Variants in RIMS1 observed in about 807,000 individuals in gnomAD.
The protein encoded by RIMS1 is regulating synaptic membrane exocytosis 1.
In RIMS1, 83 loss-of-function variants were observed where a neutral mutation model predicts 214.1. The observed-to-expected ratio is 0.39, with a 90% CI of 0.32 to 0.47. The LOEUF (loss-of-function observed/expected upper bound fraction) is 0.47, where lower values mean the gene tolerates loss of function less well. Ranked by LOEUF, RIMS1 falls within the 20% of genes least tolerant of loss-of-function variation. RIMS1 has a pLI of 0.99. For missense variants in RIMS1, 2,050 were observed against 2,161.8 expected (o/e 0.95, Z 1.03); for synonymous variants, 793 against 786.8 (o/e 1.01, Z -0.13).
chr6:72,171,352 G>A (rs998814907), intron 4 of RIMS1, among the ~76,000 whole-genome samples: 9 of 150,102 alleles, frequency 6.0e-5, no homozygotes, highest in Admixed American at 6.7e-5. Flanking sequence ...TATTACGTGT[G>A]TGTGTGTATA....
chr6:72,170,584 CCA>C (rs2046896690), intron 4 of RIMS1, among the ~76,000 whole-genome samples: 1 of 152,086 alleles, frequency 6.6e-6, no homozygotes, highest in African/African-American at 2.4e-5. Context: ...ACCTTGTGAT[CCA>C]CCCGCCTCAG....
Position 71,887,069 on chromosome 6 carries a change from C to G in RIMS1, c.46C>G (p.Pro16Ala). The change falls in exon 1 of 34, where the codon CCT becomes GCT. Residue 16 changes from proline (P) to alanine (A), a missense_variant. By Grantham distance (27) the Pro-to-Ala change is conservative. Around this residue, in one of 6 missense-constraint regions of RIMS1, gnomAD observed 882 missense variants for 828.9 expected, o/e 1.06. Coordinates refer to ENST00000521978, the MANE Select transcript of RIMS1 (RefSeq NM_014989.7). The stretch of plus-strand genomic sequence containing the variant: ...CCGCGGTCCTCGCCCACCCACGGTG[C>G]CTCCCCCCATGCAAGAGCTGCCCGA... The part of the protein sequence containing the change: ...GPRGPRPPTV[P>A]PPMQELPDLS... 6.2e-7 allele frequency: 1 copy of G among 1,613,544 alleles called. No homozygotes were observed. Among genetic ancestry groups the G allele is most frequent in the Non-Finnish European group, 8.5e-7 (1 of 1,179,712 alleles).
chr6:72,216,726 G>A (rs1158237010), intron 6 of RIMS1: 2 of 985,938 alleles, frequency 2.0e-6, no homozygotes, highest in Non-Finnish European at 2.4e-6. Flanking sequence ...GGAACAAGAT[G>A]AGCTCCTGAA....
intron 1 of RIMS1, among the ~76,000 whole-genome samples, chr6:71,911,958 G>A (rs1777053029): frequency 6.6e-6 from 1 of 152,086 alleles, no homozygotes; most frequent in South Asian, 2.1e-4. Context: ...GTGCTGAAAG[G>A]AGAAAATGCT....
chr6:72,129,083 T>A (rs1274978980), intron 4 of RIMS1, among the ~76,000 whole-genome samples: 2 of 152,198 alleles, frequency 1.3e-5, no homozygotes, highest in Non-Finnish European at 2.9e-5. Context: ...TTCAAAATTG[T>A]TTTTAATATT....
chr6:72,057,312 T>C (rs979610076), intron 2 of RIMS1, among the ~76,000 whole-genome samples: 1 of 152,108 alleles, frequency 6.6e-6, no homozygotes, highest in African/African-American at 2.4e-5. Flanking sequence ...TACAGGAGAA[T>C]GGATGCTACC....
chr6:72,399,310 C>G (rs117947655), intron 33 of RIMS1, among the ~76,000 whole-genome samples: 4,175 of 151,656 alleles, frequency 0.028, 85 homozygotes, highest in Non-Finnish European at 0.039. Flanking sequence ...TATTTTATCT[C>G]TCTCTCTTCT....
intron 2 of RIMS1, among the ~76,000 whole-genome samples, chr6:71,997,094 C>A (rs886075910): frequency 6.6e-6 from 1 of 152,098 alleles, no homozygotes; most frequent in Non-Finnish European, 1.5e-5. Context: ...AATGACTACT[C>A]TGCACAGAAT....
chr6:72,063,553 G>A (rs1433403089), intron 2 of RIMS1, among the ~76,000 whole-genome samples: 1 of 152,164 alleles, frequency 6.6e-6, no homozygotes. Flanking sequence ...CCACTAGTGG[G>A]AGACCGACCA....
rs1208333256 is a variant in RIMS1, at chr6:72,252,752, G to T, written c.2699-9G>T. 1 of 1,555,928 alleles carries T rather than the reference G, an allele frequency of 6.4e-7. No individual in the cohort carries two copies. The highest frequency in any genetic ancestry group is 8.7e-7 in the Non-Finnish European group (1 of 1,148,370). ...CACAGAAGTATCTCTTTGCCTTACTGTTGTGCAGGATCTCAGCGAATCAGT... is the reference window on the plus strand; with the variant it reads ...CACAGAAGTATCTCTTTGCCTTACTTTTGTGCAGGATCTCAGCGAATCAGT... On this transcript the variant is annotated splice_polypyrimidine_tract_variant and intron_variant, in intron 15 of 33. Coordinates refer to ENST00000521978, the MANE Select transcript of RIMS1 (RefSeq NM_014989.7).
chr6:71,921,366 G>A (rs745708130), intron 1 of RIMS1, among the ~76,000 whole-genome samples: 21 of 152,076 alleles, frequency 1.4e-4, no homozygotes, highest in Non-Finnish European at 2.4e-4. Flanking sequence ...TGATCCACCC[G>A]CCTTGGCCTC....
intron 29 of RIMS1, among the ~76,000 whole-genome samples, chr6:72,359,487 T>A (rs1009226621): frequency 6.6e-6 from 1 of 152,092 alleles, no homozygotes; most frequent in Non-Finnish European, 1.5e-5. Flanking sequence ...TTTTTTTTTT[T>A]CTTTAATCCA....
intron 1 of RIMS1, among the ~76,000 whole-genome samples, chr6:71,961,536 T>C (rs2151257126): frequency 6.6e-6 from 1 of 152,218 alleles, no homozygotes; most frequent in South Asian, 2.1e-4. Flanking sequence ...TTTGTAGCAA[T>C]TATCTTCATT....
intron 1 of RIMS1, among the ~76,000 whole-genome samples, chr6:71,962,234 A>G (rs953868777): frequency 6.6e-6 from 1 of 152,110 alleles, no homozygotes; most frequent in African/African-American, 2.4e-5. Context: ...GGATTTCCAA[A>G]ACTTAAAATC....
intron 2 of RIMS1, among the ~76,000 whole-genome samples, chr6:72,064,257 G>T (rs1282415945): frequency 1.3e-5 from 2 of 152,054 alleles, no homozygotes; most frequent in African/African-American, 4.8e-5. Flanking sequence ...GGCGGAGGTT[G>T]CAGTGAGCTG....
intron 2 of RIMS1, among the ~76,000 whole-genome samples, chr6:72,089,097 G>T (rs1835465098): frequency 6.6e-6 from 1 of 152,124 alleles, no homozygotes; most frequent in South Asian, 2.1e-4. Flanking sequence ...TAGCTGAAGT[G>T]GAAGACTGAC....
At chr6:72,256,693 T>TC (rs1204642433) in intron 16 of RIMS1, among the ~76,000 whole-genome samples, 1 of 151,588 alleles carries the variant, frequency 6.6e-6, no homozygotes, top group Non-Finnish European at 1.5e-5. Context: ...TCACCCTTTT[T>TC]TTTTTACAAT....
chr6:72,171,288 A>G (rs2046985459), intron 4 of RIMS1, among the ~76,000 whole-genome samples: 1 of 150,486 alleles, frequency 6.6e-6, no homozygotes, highest in Non-Finnish European at 1.5e-5. Context: ...ATTTATATAT[A>G]ATACATATAT....
intron 4 of RIMS1, among the ~76,000 whole-genome samples, chr6:72,153,982 C>T (rs1321742212): frequency 6.6e-6 from 1 of 152,026 alleles, no homozygotes; most frequent in Non-Finnish European, 1.5e-5. Context: ...CTATTGAGAA[C>T]ATAACTCTTA....
Sources: gnomAD v4.1 joint callset for allele counts (sites outside exome capture counted in the v4.1 genomes callset) on GRCh38, gnomAD v4.1.1 for gene constraint, gnomAD v4.1.1 regional missense constraint, MANE v1.5 for transcripts, NCBI Gene and HGNC (gene_info 2026-07-23, HGNC 2026-07-21) for gene names.